TARS1: variants seen among roughly 807,000 people sequenced by gnomAD.
TARS1 encodes threonine--tRNA ligase 1, cytoplasmic.
A neutral mutation model predicts 97.7 loss-of-function variants in TARS1; 57 were observed. That is an observed-to-expected ratio of 0.58 (90% CI 0.47 to 0.73). The LOEUF (loss-of-function observed/expected upper bound fraction) is 0.73, where lower values mean the gene tolerates loss of function less well. TARS1 is among the 30% of genes least tolerant of loss of function. TARS1 has a pLI of 0.00. For synonymous variants in TARS1, 312 were observed against 293.7 expected (o/e 1.06, Z -0.64); for missense variants, 806 against 888.3 (o/e 0.91, Z 1.18).
At chr5:33,462,270 G>A (rs1487621177) in intron 16 of TARS1, 67 bp downstream of exon 16, 10 of 1,370,096 alleles carry the variant, frequency 7.3e-6, no homozygotes, top group South Asian at 2.5e-5. Flanking sequence ...TCTACTTTTC[G>A]ATTTAATTAT....
chr5:33,459,621 T>C, intron 10 of TARS1, 74 bp from the exon 11 acceptor site: 2 of 1,536,162 alleles, frequency 1.3e-6, no homozygotes, highest in South Asian at 1.2e-5. Flanking sequence ...ATAAAATCAC[T>C]CTTTAAGTTT....
chr5:33,459,579 A>T, intron 10 of TARS1, 116 bp from the exon 11 acceptor site: 13 of 1,228,658 alleles, frequency 1.1e-5, no homozygotes, highest in Admixed American at 2.3e-5. Context: ...TTTCTGAATC[A>T]TGGCATGTGT....
chr5:33,463,805 T>A lies in TARS1; in HGVS notation c.1888T>A (p.Cys630Ser), dbSNP rs747593618. 3 of 1,612,334 alleles carry A rather than the reference T, an allele frequency of 1.9e-6. No individual in the cohort carries two copies. The South Asian group carries it at 3.3e-5, about 18-fold the overall frequency. Reference sequence around the variant, plus strand: ...AATGGTAGTTCCAGTGGGACCAACCTGTGATGAATATGCCCAAAAGGTAAG... The same window carrying A: ...AATGGTAGTTCCAGTGGGACCAACCAGTGATGAATATGCCCAAAAGGTAAG... ...QVMVVPVGPT[C>S]DEYAQKVRQQ... is the part of the protein sequence containing the mutation. Residue 630 changes from cysteine (C) to serine (S), a missense_variant, in exon 17 of 19, where the codon TGT becomes AGT. Cys to Ser is a moderately radical substitution (Grantham distance 112, BLOSUM62 -1). Around this residue, in one of 3 missense-constraint regions of TARS1, gnomAD observed 446 missense variants for 511.0 expected, o/e 0.87. Transcript: ENST00000265112.
chr5:33,449,612 C>G (rs1442761985), intron 3 of TARS1, among the ~76,000 whole-genome samples: 2 of 151,280 alleles, frequency 1.3e-5, no homozygotes, highest in Non-Finnish European at 3.0e-5. Flanking sequence ...CCCGCCACCA[C>G]GCCCGGCTAA....
chr5:33,462,668 C>T (rs938452144), intron 16 of TARS1, among the ~76,000 whole-genome samples: 2 of 152,192 alleles, frequency 1.3e-5, no homozygotes, highest in African/African-American at 4.8e-5. Flanking sequence ...AACCGATCAA[C>T]ATTTGTGATT....
At chr5:33,457,235 C>T (rs757836935) in intron 8 of TARS1, 22 bp from the exon 9 acceptor site, 1 of 1,605,188 alleles carries the variant, frequency 6.2e-7, no homozygotes, top group Non-Finnish European at 8.5e-7. Flanking sequence ...AATGTTGTTT[C>T]ATGGTTAATC....
In TARS1 at chr5:33,461,202, A is replaced by G. The variant is rs145759073; in HGVS notation, c.1458A>G (p.Val486=). 1.2e-5 allele frequency: 19 copies of G among 1,613,936 alleles called. No homozygotes were observed. The highest frequency in any genetic ancestry group is 2.2e-5 in the South Asian group (2 of 91,028). Residue 486 remains valine, a synonymous_variant, in exon 13 of 19, where the codon GTA becomes GTG. Coordinates refer to ENST00000265112, the MANE Select transcript of TARS1 (RefSeq NM_152295.5). ...IKGCLDFLRT[V]YSVFGFSFKL... is the part of the protein sequence containing the mutation. ...GTTGTTTGGATTTTCTACGTACGGT[A>G]TATAGCGTATTTGGATTTTCTTTTA... is the stretch of plus-strand genomic sequence containing the variant.
intron 1 of TARS1, among the ~76,000 whole-genome samples, chr5:33,443,492 T>G (rs1253157876): frequency 1.4e-5 from 2 of 144,322 alleles, no homozygotes; most frequent in Admixed American, 7.2e-5. Context: ...TTTTTTTTTT[T>G]GTTGTCGTTG....
rs1194395823 is a variant in TARS1 at position 33,460,882 on chromosome 5, A to G, written c.1251-20A>G. On this transcript the variant is annotated intron_variant, in intron 11 of 18. Coordinates refer to ENST00000265112, the MANE Select transcript of TARS1 (RefSeq NM_152295.5). ...CAGTTTTATTCTTAAGTGTCCGTGG[A>G]CTTTTCTTTTTCTCTTCAGCCTTAT... 34 of 1,613,184 alleles carry G rather than the reference A, an allele frequency of 2.1e-5. No individual in the cohort carries two copies. Among genetic ancestry groups the G allele is most frequent in the Non-Finnish European group, 2.8e-5 (33 of 1,179,750 alleles).
chr5:33,466,510 T>C (rs1234949633), intron 17 of TARS1, among the ~76,000 whole-genome samples: 5 of 152,216 alleles, frequency 3.3e-5, no homozygotes, highest in Non-Finnish European at 1.5e-5. Context: ...TATGAAATGA[T>C]AGTGAAATAA....
chr5:33,459,438 T>A (rs1742186372), intron 10 of TARS1, among the ~76,000 whole-genome samples: 1 of 152,216 alleles, frequency 6.6e-6, no homozygotes, highest in Non-Finnish European at 1.5e-5. Context: ...AATGCACTCA[T>A]CCCTGTATTG....
chr5:33,461,330 GT>G, intron 13 of TARS1, 35 bp downstream of exon 13: 1 of 1,595,250 alleles, frequency 6.3e-7, no homozygotes, highest in Non-Finnish European at 8.5e-7. Context: ...TTTGAATACT[GT>G]TTGAAATTGG....
chr5:33,460,984 C>G lies in TARS1; in HGVS notation c.1333C>G (p.Leu445Val), dbSNP rs1361944245. 4 of 1,614,154 alleles carry G rather than the reference C, an allele frequency of 2.5e-6. No individual in the cohort carries two copies. In the Admixed American group the frequency reaches 6.7e-5, roughly 27 times the overall value. The change falls in exon 12 of 19, where the codon CTG (leucine) becomes GTG (valine). Residue 445 changes from leucine (L) to valine (V), a missense_variant. By Grantham distance (32) the Leu-to-Val change is conservative (BLOSUM62 1). Transcript: ENST00000265112. ...ADFGVLHRNE[L>V]SGALTGLTRV... ...TTTTGGGGTACTTCATAGGAACGAG[C>G]TGTCTGGAGCACTCACAGGACTCAC...
rs1342457563 is a variant in TARS1, at chr5:33,448,710, A to G, written c.308A>G (p.Tyr103Cys). 15 of 1,613,246 alleles carry G rather than the reference A, an allele frequency of 9.3e-6. No individual in the cohort carries two copies. Among genetic ancestry groups the G allele is most frequent in the Non-Finnish European group, 1.2e-5 (14 of 1,179,658 alleles). The part of the protein sequence containing the change: ...VDAESWKTTP[Y>C]QIACGISQGL... ...GCGGAATCTTGGAAAACTACACCAT[A>G]TCAAATTGCCTGTGGAATTAGGTAT... The change falls in exon 3 of 19, where the codon TAT becomes TGT. Residue 103 changes from tyrosine (Y) to cysteine (C), a missense_variant. Tyr to Cys is a radical substitution (Grantham distance 194). Around this residue, in one of 3 missense-constraint regions of TARS1, gnomAD observed 356 missense variants for 357.8 expected, o/e 0.99. Transcript: ENST00000265112.
At chr5:33,463,555 A>G (rs1742393643) in intron 16 of TARS1, among the ~76,000 whole-genome samples, 198 bp from the exon 17 acceptor site, 1 of 152,158 alleles carries the variant, frequency 6.6e-6, no homozygotes, top group East Asian at 1.9e-4. Flanking sequence ...ACGTAGGGTT[A>G]GTTTTCTTCT....
Position 33,461,159 on chromosome 5 carries a change from T to C in TARS1, c.1415T>C (p.Ile472Thr), listed in dbSNP as rs1348741607. 1.2e-6 allele frequency: 2 copies of C among 1,603,290 alleles called. No individual in the cohort carries two copies. Among genetic ancestry groups the C allele is most frequent in the Non-Finnish European group, 1.7e-6 (2 of 1,175,212 alleles). ...CTTTTTTTGTTTTTTAATTTGAAGA[T>C]TGAAGATGAAATAAAAGGTTGTTTG... Reference protein sequence around the residue: ...DAHIFCAMEQIEDEIKGCLDF... With the variant: ...DAHIFCAMEQTEDEIKGCLDF... The change falls in exon 13 of 19, where the codon ATT becomes ACT. Residue 472 changes from isoleucine (I) to threonine (T), a missense_variant and splice_region_variant. By Grantham distance (89) the Ile-to-Thr change is moderately conservative (BLOSUM62 -1). This residue lies in a region of TARS1 where 446 missense variants were observed against 511.0 expected (regional missense o/e 0.87). Transcript: ENST00000265112.
chr5:33,445,625 T>C (rs184252329), intron 2 of TARS1, among the ~76,000 whole-genome samples: 115 of 152,340 alleles, frequency 7.5e-4, no homozygotes, highest in African/African-American at 2.7e-3. Flanking sequence ...CGTATGATTG[T>C]ATAAGATGAT....
intron 4 of TARS1, among the ~76,000 whole-genome samples, chr5:33,454,124 T>A (rs1476804341): frequency 6.6e-6 from 1 of 152,248 alleles, no homozygotes; most frequent in Non-Finnish European, 1.5e-5. Flanking sequence ...TTTTTTCTCA[T>A]CTTAAGATGC....
intron 9 of TARS1, among the ~76,000 whole-genome samples, chr5:33,458,053 T>C (rs555396830): frequency 2.0e-5 from 3 of 152,256 alleles, no homozygotes; most frequent in East Asian, 3.9e-4. Context: ...TTTTGGGCAC[T>C]TGGGGAGGCG....
Sources: gnomAD v4.1 joint callset for allele counts (sites outside exome capture counted in the v4.1 genomes callset) on GRCh38, gnomAD v4.1.1 for gene constraint, gnomAD v4.1.1 regional missense constraint, MANE v1.5 for transcripts, NCBI Gene and HGNC (gene_info 2026-07-23, HGNC 2026-07-21) for gene names.